RPTOR: variants seen among roughly 807,000 people sequenced by gnomAD.
The protein encoded by RPTOR is regulatory-associated protein of mTOR.
RPTOR carries 21 observed loss-of-function variants against 169.9 expected under a neutral mutation model. That is an observed-to-expected ratio of 0.12 (90% CI 0.09 to 0.18). The LOEUF is 0.18. Ranked by LOEUF, RPTOR falls within the 10% of genes least tolerant of loss-of-function variation. The pLI, the probability that RPTOR is intolerant of heterozygous loss-of-function variation, is 1.00. For missense variants in RPTOR, 1,133 were observed against 1,855.9 expected, an observed-to-expected ratio of 0.61 and a Z score of 7.16; for synonymous variants, 732 against 753.2, an observed-to-expected ratio of 0.97 and a Z score of 0.46.
chr17:80,811,906 C>G (rs2067277336), intron 7 of RPTOR, among the ~76,000 whole-genome samples: 1 of 150,024 alleles, frequency 6.7e-6, no homozygotes. Context: ...CTCAACCTCA[C>G]TGTACCCACA....
intron 13 of RPTOR, among the ~76,000 whole-genome samples, chr17:80,871,599 G>A (rs1362284770): frequency 6.6e-6 from 1 of 152,198 alleles, no homozygotes; most frequent in Non-Finnish European, 1.5e-5. Context: ...GAAGGAAGTC[G>A]CTTGGATGTG....
chr17:80,763,092 A>C (rs1005811609), intron 6 of RPTOR, among the ~76,000 whole-genome samples: 1 of 152,136 alleles, frequency 6.6e-6, no homozygotes, highest in Non-Finnish European at 1.5e-5. Flanking sequence ...CTAAAAATTT[A>C]AAAATTAGCT....
intron 4 of RPTOR, among the ~76,000 whole-genome samples, chr17:80,716,824 G>A (rs1310451686): frequency 3.3e-5 from 5 of 152,160 alleles, no homozygotes; most frequent in Admixed American, 3.3e-4. Flanking sequence ...GTTGTAAAGG[G>A]TGTCTTTTCC....
intron 1 of RPTOR, among the ~76,000 whole-genome samples, chr17:80,565,049 T>C (rs1440183550): frequency 6.6e-6 from 1 of 152,226 alleles, no homozygotes; most frequent in Admixed American, 6.5e-5. Flanking sequence ...GTTGATTCCA[T>C]GTCTTTGCTA....
chr17:80,682,714 T>G (rs2065907962), intron 3 of RPTOR, among the ~76,000 whole-genome samples: 1 of 152,246 alleles, frequency 6.6e-6, no homozygotes, highest in Non-Finnish European at 1.5e-5. Context: ...AACAAGGACT[T>G]TCTCTTACAT....
chr17:80,796,659 G>T (rs996495572), intron 7 of RPTOR, among the ~76,000 whole-genome samples: 1 of 152,222 alleles, frequency 6.6e-6, no homozygotes, highest in African/African-American at 2.4e-5. Context: ...CCATATCACA[G>T]TCGCTGTAGC....
intron 1 of RPTOR, among the ~76,000 whole-genome samples, chr17:80,579,049 C>T (rs2064991320): frequency 6.6e-6 from 1 of 152,090 alleles, no homozygotes; most frequent in Non-Finnish European, 1.5e-5. Flanking sequence ...CTACCTTACA[C>T]AGGTACTCTG....
At chr17:80,782,903 C>T (rs765312846) in intron 6 of RPTOR, among the ~76,000 whole-genome samples, 5 of 152,144 alleles carry the variant, frequency 3.3e-5, no homozygotes, top group Non-Finnish European at 5.9e-5. Context: ...CCAAGGAGCA[C>T]GGAGAATCTG....
At chr17:80,587,591 C>T (rs1003805615) in intron 1 of RPTOR, among the ~76,000 whole-genome samples, 1 of 152,138 alleles carries the variant, frequency 6.6e-6, no homozygotes, top group African/African-American at 2.4e-5. Context: ...CACACTGTTA[C>T]GCATTTTTAC....
At chr17:80,664,043 C>T (rs1474834596) in intron 3 of RPTOR, among the ~76,000 whole-genome samples, 2 of 152,136 alleles carry the variant, frequency 1.3e-5, no homozygotes, top group African/African-American at 2.4e-5. Flanking sequence ...GAGTCACTCA[C>T]TTCTGTTGGA....
At chr17:80,904,509 A>G (rs1040963557) in intron 20 of RPTOR, among the ~76,000 whole-genome samples, 2 of 152,200 alleles carry the variant, frequency 1.3e-5, no homozygotes, top group African/African-American at 4.8e-5. Context: ...AGCTGTGGCC[A>G]TTGGGCTCTG....
intron 13 of RPTOR, among the ~76,000 whole-genome samples, chr17:80,879,657 T>C (rs938405734): frequency 7.2e-5 from 11 of 152,154 alleles, no homozygotes; most frequent in African/African-American, 2.7e-4. Context: ...AGGGCACAAA[T>C]ACCTAGTGCT....
At chr17:80,891,037 C>T (rs543600135) in intron 17 of RPTOR, among the ~76,000 whole-genome samples, 4 of 152,270 alleles carry the variant, frequency 2.6e-5, no homozygotes, top group South Asian at 4.2e-4. Flanking sequence ...ACGTTCTTTC[C>T]GCTTTTTAAA....
chr17:80,681,636 G>GTTGAATTTCATTTGATTCTTAAATATT, intron 3 of RPTOR, among the ~76,000 whole-genome samples: 1 of 135,470 alleles, frequency 7.4e-6, no homozygotes, highest in Non-Finnish European at 1.6e-5. Flanking sequence ...CCTTCATGAG[G>GTTGAATTTCATTTGATTCTTAAATATT]TGTACGTCTC....
At chr17:80,838,055 C>T (rs1019281689) in intron 10 of RPTOR, 58 bp downstream of exon 10, 20 of 1,451,230 alleles carry the variant, frequency 1.4e-5, no homozygotes, top group Non-Finnish European at 1.9e-5. Flanking sequence ...CTCTGGGCAC[C>T]TGGACTGCAA....
At chr17:80,604,838 C>G (rs993367742) in intron 1 of RPTOR, among the ~76,000 whole-genome samples, 1 of 152,230 alleles carries the variant, frequency 6.6e-6, no homozygotes, top group Admixed American at 6.5e-5. Flanking sequence ...ATTCAATTAC[C>G]TCCCACCAGG....
chr17:80,712,033 C>T (rs913250511), intron 4 of RPTOR, among the ~76,000 whole-genome samples: 19 of 152,044 alleles, frequency 1.2e-4, no homozygotes, highest in South Asian at 1.0e-3. Context: ...CGTGAGCCAC[C>T]GTGCCCAGCA....
intron 13 of RPTOR, among the ~76,000 whole-genome samples, chr17:80,874,741 A>G (rs1225815602): frequency 3.3e-5 from 5 of 152,160 alleles, no homozygotes; most frequent in Admixed American, 1.3e-4. Flanking sequence ...AACGCTGCAC[A>G]TATCAACATC....
At chr17:80,574,206 G>A (rs376837020) in intron 1 of RPTOR, among the ~76,000 whole-genome samples, 7,808 of 141,520 alleles carry the variant, frequency 0.055, 702 homozygotes, top group African/African-American at 0.19. Flanking sequence ...CGCCCAGGCC[G>A]GACTGCGGAC....
Sources: gnomAD v4.1 joint callset for allele counts (sites outside exome capture counted in the v4.1 genomes callset) on GRCh38, gnomAD v4.1.1 for gene constraint, MANE v1.5 for transcripts, NCBI Gene and HGNC (gene_info 2026-07-23, HGNC 2026-07-21) for gene names.